Variants in G3BP2 observed in about 807,000 individuals in gnomAD.
The protein encoded by G3BP2 is G3BP stress granule assembly factor 2.
A neutral mutation model predicts 56.7 loss-of-function variants in G3BP2; 11 were observed. The ratio of observed to expected loss-of-function variants is 0.19; its 90% CI spans 0.12 to 0.32. The LOEUF is 0.32. G3BP2 is among the 10% of genes least tolerant of loss of function. The pLI, the probability that G3BP2 is intolerant of heterozygous loss-of-function variation, is 1.00. For synonymous variants in G3BP2, 165 were observed against 191.6 expected (o/e 0.86, Z 1.15); for missense variants, 340 against 610.9 (o/e 0.56, Z 4.67).
At chr4:75,669,369 T>C (rs935390407) in intron 1 of G3BP2, among the ~76,000 whole-genome samples, 2 of 152,216 alleles carry the variant, frequency 1.3e-5, no homozygotes, top group African/African-American at 2.4e-5. Context: ...CCCTTTAGCT[T>C]TGCCACTTAA....
intron 3 of G3BP2, among the ~76,000 whole-genome samples, chr4:75,705,145 T>C (rs969065650): frequency 6.6e-6 from 1 of 152,216 alleles, no homozygotes; most frequent in African/African-American, 2.4e-5. Flanking sequence ...ATTGCCACAC[T>C]TGGGGAAAAA....
chr4:75,665,640 CACAAACACACAA>C (rs1173103719), intron 1 of G3BP2, among the ~76,000 whole-genome samples: 2 of 29,070 alleles, frequency 6.9e-5, no homozygotes, highest in Non-Finnish European at 1.7e-4. Context: ...CACACACACA[CACAAACACACAA>C]ACAAACACAC....
chr4:75,666,847 C>T (rs1159018657), intron 1 of G3BP2, among the ~76,000 whole-genome samples: 2 of 152,182 alleles, frequency 1.3e-5, no homozygotes, highest in African/African-American at 4.8e-5. Flanking sequence ...CAAAACGAAA[C>T]AAAATTCTGA....
chr4:75,651,623 C>T (rs952185574), intron 8 of G3BP2, among the ~76,000 whole-genome samples: 3 of 152,148 alleles, frequency 2.0e-5, no homozygotes, highest in Non-Finnish European at 4.4e-5. Flanking sequence ...CTTCAGGTCT[C>T]CAGTTTCATG....
At chr4:75,653,247 A>G (rs1466904585) in intron 8 of G3BP2, among the ~76,000 whole-genome samples, 1 of 152,220 alleles carries the variant, frequency 6.6e-6, no homozygotes, top group Non-Finnish European at 1.5e-5. Flanking sequence ...ATATACTAAC[A>G]TTTCAAACAT....
Position 75,643,328 on chromosome 4 carries a change from TACAAGAAA to T in G3BP2, c.*2094_*2101del, listed in dbSNP as rs1384739024. 5 of 143,408 alleles carry T rather than the reference TACAAGAAA, an allele frequency of 3.5e-5. No homozygotes were observed. The highest frequency in any genetic ancestry group is 3.1e-5 in the Non-Finnish European group (2 of 65,376). The allele number at this position is 143,408 out of a possible 1,614,324, so 8.9% of individuals were successfully genotyped here. A position where few individuals can be genotyped will look rare whatever the true frequency, so the allele number is the denominator to read the frequency against. ...ATATATATATATATGGAAACAGAAA[TACAAGAAA>T]ATATGCTTGGGGGAAAAAAAACATT... On this transcript the variant is annotated 3_prime_UTR_variant, in exon 12 of 12. Transcript: ENST00000359707.
Position 75,645,613 on chromosome 4 carries a change from A to G in G3BP2, c.1266T>C (p.Asp422=), listed in dbSNP as rs765688854. The change falls in exon 12 of 12, where the codon GAT becomes GAC. Residue 422 remains aspartate (D), a synonymous_variant. Transcript: ENST00000359707. ...ARERETRGGG[D]DRRDIRRNDR... ...CATTGCGCCTAATATCCCTGCGATC[A>G]TCACCACCACCTCTGGTTTCTCGCT... The G allele has an allele frequency of 2.5e-6, 4 of 1,613,732 alleles. No individual in the cohort carries two copies. In the African/African-American group the frequency reaches 5.3e-5, roughly 22 times the overall value.
At chr4:75,661,727 A>C in intron 2 of G3BP2, 1 of 520,218 alleles carries the variant, frequency 1.9e-6, no homozygotes, top group Non-Finnish European at 3.5e-6. Flanking sequence ...GTTATGTACC[A>C]GAATATGACA....
chr4:75,687,072 G>GCATA (rs984836106), intron 3 of G3BP2, among the ~76,000 whole-genome samples: 1 of 151,940 alleles, frequency 6.6e-6, no homozygotes, highest in Non-Finnish European at 1.5e-5. Context: ...CTAAATACAT[G>GCATA]CATACATACA....
chr4:75,647,182 C>T, intron 9 of G3BP2, 25 bp from the exon 10 acceptor site: 1 of 1,486,400 alleles, frequency 6.7e-7, no homozygotes, highest in African/African-American at 1.4e-5. Context: ...AGAGCAGATA[C>T]TAAAGTTTAC....
chr4:75,645,414 T>C lies in G3BP2; in HGVS notation c.*16A>G. Reference sequence around the variant, plus strand: ...GAATAATGTACCACTGCCAAGACTTTGCCAACAGTGGAGCTTCAGCGACGC... The same window carrying C: ...GAATAATGTACCACTGCCAAGACTTCGCCAACAGTGGAGCTTCAGCGACGC... On this transcript the variant is annotated 3_prime_UTR_variant, in exon 12 of 12. Coordinates refer to ENST00000359707, the MANE Select transcript of G3BP2 (RefSeq NM_203505.3). The C allele has an allele frequency of 1.2e-6, 2 of 1,606,620 alleles. No individual in the cohort carries two copies. The highest frequency in any genetic ancestry group is 8.5e-7 in the Non-Finnish European group (1 of 1,175,662).
At chr4:75,700,315 G>A (rs1024047539) in intron 3 of G3BP2, among the ~76,000 whole-genome samples, 7 of 148,734 alleles carry the variant, frequency 4.7e-5, no homozygotes, top group African/African-American at 1.5e-4. Flanking sequence ...GCCTCCCAAA[G>A]TGCTGGGATT....
chr4:75,716,807 G>A (rs964622270), intron 3 of G3BP2, among the ~76,000 whole-genome samples: 3 of 152,124 alleles, frequency 2.0e-5, no homozygotes, highest in Non-Finnish European at 2.9e-5. Flanking sequence ...GAGCCACTGT[G>A]CCCGGCCTCT....
chr4:75,705,721 T>C (rs1382520490), intron 3 of G3BP2, among the ~76,000 whole-genome samples: 1 of 152,062 alleles, frequency 6.6e-6, no homozygotes, highest in Non-Finnish European at 1.5e-5. Context: ...ATCTCCTAAG[T>C]GAGCTAGGCG....
At position 75,655,820 on chromosome 4, in the gene G3BP2, CAGG is replaced by C; in HGVS notation, c.490_492del (p.Pro164del). ...CTGTTAGCATTTTCTTGCACAGGTT[CAGG>C]AGATGGTTGTCTTTCTTCTTGTTCC... is the stretch of plus-strand genomic sequence containing the variant. On this transcript the variant is annotated inframe_deletion, in exon 6 of 12. Transcript: ENST00000359707. 6.2e-7 allele frequency: 1 copy of C among 1,603,874 alleles called. No homozygotes were observed. The highest frequency in any genetic ancestry group is 8.5e-7 in the Non-Finnish European group (1 of 1,170,780).
intron 3 of G3BP2, among the ~76,000 whole-genome samples, chr4:75,720,052 C>T (rs1021438589): frequency 2.6e-5 from 1 of 38,650 alleles, no homozygotes; most frequent in African/African-American, 1.2e-4. Flanking sequence ...GGTCTCACTC[C>T]GTCACCTGGG....
chr4:75,678,592 A>G (rs1036887643), intron 3 of G3BP2, among the ~76,000 whole-genome samples: 1 of 152,186 alleles, frequency 6.6e-6, no homozygotes, highest in African/African-American at 2.4e-5. Context: ...AAGCAGGAGG[A>G]TCACTTGAAC....
intron 3 of G3BP2, among the ~76,000 whole-genome samples, chr4:75,686,046 T>G (rs1718587282): frequency 6.6e-6 from 1 of 152,174 alleles, no homozygotes; most frequent in Non-Finnish European, 1.5e-5. Flanking sequence ...GAGACAATTT[T>G]TTAAAATGGG....
chr4:75,658,034 CTG>C (rs1732243643), intron 3 of G3BP2, among the ~76,000 whole-genome samples: 1 of 152,166 alleles, frequency 6.6e-6, no homozygotes, highest in African/African-American at 2.4e-5. Flanking sequence ...CATAATTTTA[CTG>C]TGTGTTTGCT....
Sources: gnomAD v4.1 joint callset for allele counts (sites outside exome capture counted in the v4.1 genomes callset) on GRCh38, gnomAD v4.1.1 for gene constraint, MANE v1.5 for transcripts, NCBI Gene and HGNC (gene_info 2026-07-23, HGNC 2026-07-21) for gene names.